RASEF: variants seen among roughly 807,000 people sequenced by gnomAD.
RASEF encodes the protein ras and EF-hand domain-containing protein.
RASEF carries 68 observed loss-of-function variants against 90.1 expected under a neutral mutation model. That is an observed-to-expected ratio of 0.75 (90% confidence interval 0.62 to 0.92). The LOEUF is 0.92. RASEF is among the 40% of genes least tolerant of loss of function. RASEF has a pLI of 0.00. For synonymous variants in RASEF, 331 were observed against 345.2 expected (o/e 0.96, Z 0.46); for missense variants, 949 against 937.2 (o/e 1.01, Z -0.16).
At chr9:83,197,535 A>T in the RASEF span, among the ~76,000 whole-genome samples, 1 of 151,822 alleles carries the variant, frequency 6.6e-6, no homozygotes. Context: ...TTTTAAAAAA[A>T]TTTATTTTGA....
At chr9:83,105,210 C>G in the RASEF span, among the ~76,000 whole-genome samples, 1 of 152,178 alleles carries the variant, frequency 6.6e-6, no homozygotes, top group African/African-American at 2.4e-5. Context: ...CTGAGGCTTA[C>G]ATTAGCAGTG....
upstream of RASEF, chr9:83,063,258 CGCT>C: frequency 5.0e-6 from 1 of 200,416 alleles, no homozygotes; most frequent in Non-Finnish European, 9.9e-6. Flanking sequence ...CGGAGTCCAC[CGCT>C]GCTTGCCGCG....
chr9:83,204,591 G>A, the RASEF span, among the ~76,000 whole-genome samples: 82 of 152,240 alleles, frequency 5.4e-4, no homozygotes, highest in South Asian at 0.015. Flanking sequence ...GACATTGGAC[G>A]AAATAAGAAA....
chr9:83,143,123 C>T, the RASEF span, among the ~76,000 whole-genome samples: 2 of 152,120 alleles, frequency 1.3e-5, no homozygotes, highest in African/African-American at 4.8e-5. Context: ...GATTCATGAT[C>T]CCACAGTTGA....
At chr9:83,219,184 C>T in the RASEF span, 1 of 152,130 alleles carries the variant, frequency 6.6e-6, no homozygotes, top group African/African-American at 2.4e-5. Context: ...GAATTCCGTC[C>T]CCACTTGCAG....
At chr9:83,159,200 A>G in the RASEF span, among the ~76,000 whole-genome samples, 2 of 151,950 alleles carry the variant, frequency 1.3e-5, no homozygotes, top group Non-Finnish European at 2.9e-5. Context: ...AAAAAAAAAA[A>G]AAAGAAATTT....
chr9:83,017,302 G>A lies in RASEF; in HGVS notation c.670-1402C>T, dbSNP rs190861914. Among the ~76,000 whole-genome samples the A allele has an allele frequency of 6.4e-4, 96 of 150,030 alleles. 1 individual carries two copies. The highest frequency in any genetic ancestry group is 2.2e-3 in the African/African-American group (90 of 40,740). ...AGACTGAGACCATCCTGGCTAACACGGTGAAACCTCGTCTCTACTAAAAAA... is the reference window on the plus strand; with the variant it reads ...AGACTGAGACCATCCTGGCTAACACAGTGAAACCTCGTCTCTACTAAAAAA... On this transcript the variant is annotated intron_variant, in intron 3 of 16. Coordinates refer to ENST00000376447, the MANE Select transcript of RASEF (RefSeq NM_152573.4).
the RASEF span, among the ~76,000 whole-genome samples, chr9:83,112,942 G>T: frequency 6.6e-6 from 1 of 151,946 alleles, no homozygotes; most frequent in African/African-American, 2.4e-5. Context: ...CCTTTTTTCT[G>T]TAATTCTGTA....
chr9:83,192,202 T>G, the RASEF span, among the ~76,000 whole-genome samples: 9 of 152,308 alleles, frequency 5.9e-5, no homozygotes, highest in Admixed American at 2.6e-4. Context: ...ATCCCACCAC[T>G]GGGCATATAC....
chr9:83,055,493 A>G (rs1280517460), intron 1 of RASEF: 2 of 682,122 alleles, frequency 2.9e-6, no homozygotes, highest in Non-Finnish European at 5.3e-6. Context: ...AAATGCAGAA[A>G]TCACCCGTCT....
intron 14 of RASEF, 42 bp downstream of exon 14, chr9:82,996,970 C>A (rs777077789): frequency 1.7e-6 from 2 of 1,189,458 alleles, no homozygotes; most frequent in South Asian, 2.4e-5. Context: ...TGGCCTAAAA[C>A]TTCCTCGTGT....
intron 1 of RASEF, among the ~76,000 whole-genome samples, chr9:83,044,034 C>A (rs1426784237): frequency 6.6e-6 from 1 of 152,100 alleles, no homozygotes; most frequent in Non-Finnish European, 1.5e-5. Context: ...TTCTGGCTTC[C>A]CTGTGCTCTC....
At chr9:83,124,898 A>C in the RASEF span, among the ~76,000 whole-genome samples, 3 of 152,118 alleles carry the variant, frequency 2.0e-5, no homozygotes, top group African/African-American at 7.2e-5. Flanking sequence ...AAACCCCACA[A>C]CAGGCCATTA....
upstream of RASEF, among the ~76,000 whole-genome samples, chr9:83,065,103 C>A (rs533025097): frequency 1.3e-5 from 2 of 152,104 alleles, no homozygotes; most frequent in South Asian, 4.1e-4. Context: ...AAAAAACACA[C>A]AAATTATTCC....
intron 4 of RASEF, 76 bp downstream of exon 4, chr9:83,015,729 T>A: frequency 9.8e-7 from 1 of 1,016,052 alleles, no homozygotes; most frequent in East Asian, 2.4e-5. Flanking sequence ...GGATTCCAAA[T>A]GTTTTTGGTT....
At chr9:83,111,788 G>A in the RASEF span, among the ~76,000 whole-genome samples, 1 of 151,916 alleles carries the variant, frequency 6.6e-6, no homozygotes, top group East Asian at 1.9e-4. Context: ...TAATTTTAGG[G>A]TATCAAAGCC....
chr9:83,137,210 C>T, the RASEF span, among the ~76,000 whole-genome samples: 1 of 151,966 alleles, frequency 6.6e-6, no homozygotes, highest in Non-Finnish European at 1.5e-5. Context: ...ATATAATTGC[C>T]TTATATTGGT....
the RASEF span, among the ~76,000 whole-genome samples, chr9:83,185,781 A>G: frequency 6.6e-6 from 1 of 152,090 alleles, no homozygotes; most frequent in East Asian, 1.9e-4. Flanking sequence ...ACATAATCTC[A>G]GGTGCCCAGA....
intron 3 of RASEF, among the ~76,000 whole-genome samples, chr9:83,017,339 A>AAG (rs1554707591): frequency 7.5e-6 from 1 of 134,104 alleles, no homozygotes; most frequent in South Asian, 2.5e-4. Flanking sequence ...AAAAAAAAAA[A>AAG]AAAGAAAGAA....
Sources: gnomAD v4.1 joint callset for allele counts (sites outside exome capture counted in the v4.1 genomes callset) on GRCh38, gnomAD v4.1.1 for gene constraint, MANE v1.5 for transcripts, NCBI Gene and HGNC (gene_info 2026-07-23, HGNC 2026-07-21) for gene names.